GPATCH8: variants seen among roughly 807,000 people sequenced by gnomAD.
GPATCH8 encodes G patch domain-containing protein 8.
In GPATCH8, 18 loss-of-function variants were observed where a neutral mutation model predicts 118.3. The observed-to-expected ratio is 0.15, with a 90% CI of 0.11 to 0.23. The LOEUF (loss-of-function observed/expected upper bound fraction) is 0.23, where lower values mean the gene tolerates loss of function less well. Among genes scored for constraint, GPATCH8 ranks in the 10% least tolerant of loss-of-function variants. GPATCH8 has a pLI of 1.00. For missense variants in GPATCH8, 1,631 were observed against 1,873.8 expected (o/e 0.87, Z 2.39); for synonymous variants, 659 against 684.7 (o/e 0.96, Z 0.59).
chr17:44,458,723 G>C (rs1256032461), intron 3 of GPATCH8, among the ~76,000 whole-genome samples: 3 of 152,030 alleles, frequency 2.0e-5, no homozygotes, highest in Admixed American at 6.6e-5. Flanking sequence ...ACTGGGTCTT[G>C]TTGTTGCCCA....
In GPATCH8 at chr17:44,414,115, A is replaced by ATGTATATATATGTGTATATATATATG. The variant is rs1567955447; in HGVS notation, c.493-8065_493-8064insCATATATATATACACATATATATACA. Among the ~76,000 whole-genome samples the ATGTATATATATGTGTATATATATATG allele has an allele frequency of 2.0e-3, 171 of 83,436 alleles. 2 individuals carry two copies. The highest frequency in any genetic ancestry group is 9.0e-3 in the South Asian group (30 of 3,332). The allele number at this position is 83,436 out of a possible 152,430, so 54.7% of individuals were successfully genotyped here. On this transcript the variant is annotated intron_variant, in intron 6 of 7. Transcript: ENST00000591680. ...TATATATATATGTGTGTATATATAT[A>ATGTATATATATGTGTATATATATATG]TGTATATATATGTGTATATATATAT...
At chr17:44,414,129 GTATATATATATA>G (rs57203975) in intron 6 of GPATCH8, among the ~76,000 whole-genome samples, 1 of 43,002 alleles carries the variant, frequency 2.3e-5, no homozygotes, top group African/African-American at 4.3e-5. Flanking sequence ...ATATATATGT[GTATATATATATA>G]TGTGTATATA....
In GPATCH8 at chr17:44,395,456, CAA is replaced by C. The variant is rs2048746444; in HGVS notation, c.*2110_*2111del. ...GTTAAAGAAAATGCCCCTAGGAAGGCAAAGAGGCAGCCAGAGTATGGCTCAAT... is the reference window on the plus strand; with the variant it reads ...GTTAAAGAAAATGCCCCTAGGAAGGCAGAGGCAGCCAGAGTATGGCTCAAT... On this transcript the variant is annotated 3_prime_UTR_variant, in exon 8 of 8. Coordinates refer to ENST00000591680, the MANE Select transcript of GPATCH8 (RefSeq NM_001002909.4). The C allele has an allele frequency of 2.2e-6, 1 of 454,300 alleles. No individual in the cohort carries two copies. Among genetic ancestry groups the C allele is most frequent in the African/African-American group, 2.0e-5 (1 of 49,958 alleles). 28.1% of individuals were successfully genotyped at this position (454,300 alleles called of 1,614,324 possible).
chr17:44,439,135 A>G (rs777640385), intron 3 of GPATCH8, among the ~76,000 whole-genome samples: 1 of 152,192 alleles, frequency 6.6e-6, no homozygotes, highest in Non-Finnish European at 1.5e-5. Context: ...TCACCAAAAG[A>G]ACTCTAGGAG....
rs1355042863 is a variant in GPATCH8, at chr17:44,396,606, T to C, written c.*962A>G. Reference sequence around the variant, plus strand: ...TTTTCATTTTATAACCTTTAGAGTTTCTTAATTCAACTAGGGCAAACATAT... The same window carrying C: ...TTTTCATTTTATAACCTTTAGAGTTCCTTAATTCAACTAGGGCAAACATAT... On this transcript the variant is annotated 3_prime_UTR_variant, in exon 8 of 8. Transcript: ENST00000591680. The C allele has an allele frequency of 2.3e-6, 1 of 442,216 alleles. No individual in the cohort carries two copies. Among genetic ancestry groups the C allele is most frequent in the Non-Finnish European group, 4.5e-6 (1 of 223,774 alleles). 27.4% of individuals were successfully genotyped at this position (442,216 alleles called of 1,614,324 possible).
chr17:44,494,848 T>C (rs1230037836), intron 1 of GPATCH8, among the ~76,000 whole-genome samples: 1 of 152,212 alleles, frequency 6.6e-6, no homozygotes, highest in Admixed American at 6.5e-5. Context: ...TAAAATAAAA[T>C]TTATCTTTGC....
In GPATCH8 at chr17:44,399,593, C is replaced by G. The variant is rs1377956198; in HGVS notation, c.2484G>C (p.Leu828=). ...EDSDDASSHR[L]HQKSPSQYSE... The stretch of plus-strand genomic sequence containing the variant: ...TGTACTGGGATGGAGACTTCTGGTG[C>G]AGCCGGTGTGAGGAAGCATCATCAC... The change falls in exon 8 of 8, where the codon CTG becomes CTC. Residue 828 remains leucine (L), a synonymous_variant. Coordinates refer to ENST00000591680, the MANE Select transcript of GPATCH8 (RefSeq NM_001002909.4). The G allele has an allele frequency of 3.1e-6, 5 of 1,614,082 alleles. No individual in the cohort carries two copies. Among genetic ancestry groups the G allele is most frequent in the Admixed American group, 1.7e-5 (1 of 60,002 alleles).
chr17:44,492,779 G>C (rs1212449641), intron 1 of GPATCH8, among the ~76,000 whole-genome samples: 1 of 152,130 alleles, frequency 6.6e-6, no homozygotes, highest in African/African-American at 2.4e-5. Flanking sequence ...TCAAGGATAA[G>C]CTTGTAGAAC....
chr17:44,400,694 G>C lies in GPATCH8; in HGVS notation c.1383C>G (p.Val461=), dbSNP rs772237473. ...TGCTGGTTTCCTTCGGCTGCTCAGAGACTTCACTAACTGTCTTTTCTGCTC... is the reference window on the plus strand; with the variant it reads ...TGCTGGTTTCCTTCGGCTGCTCAGACACTTCACTAACTGTCTTTTCTGCTC... ...SQGAEKTVSE[V]SEQPKETSMT... Residue 461 remains valine (V), a synonymous_variant, in exon 8 of 8, where the codon GTC becomes GTG. Transcript: ENST00000591680. 9 of 1,611,052 alleles carry C rather than the reference G, an allele frequency of 5.6e-6. No homozygotes were observed. The highest frequency in any genetic ancestry group is 2.5e-6 in the Non-Finnish European group (3 of 1,178,226).
intron 3 of GPATCH8, among the ~76,000 whole-genome samples, chr17:44,453,495 G>C (rs1598532278): frequency 9.2e-6 from 1 of 108,162 alleles, no homozygotes; most frequent in African/African-American, 3.2e-5. Flanking sequence ...AGGTAGGTAG[G>C]TAGGGGTGTG....
At chr17:44,453,162 C>A (rs993237278) in intron 3 of GPATCH8, among the ~76,000 whole-genome samples, 4 of 152,162 alleles carry the variant, frequency 2.6e-5, no homozygotes, top group African/African-American at 9.7e-5. Flanking sequence ...TAAGTCTATA[C>A]CTCTGCTCTG....
chr17:44,491,647 A>C (rs960869697), intron 1 of GPATCH8, among the ~76,000 whole-genome samples: 34 of 152,138 alleles, frequency 2.2e-4, no homozygotes, highest in Admixed American at 2.2e-3. Flanking sequence ...AAGGAGTTCA[A>C]GACCTGCTTG....
intron 3 of GPATCH8, among the ~76,000 whole-genome samples, chr17:44,439,824 C>T (rs1050319274): frequency 6.7e-6 from 1 of 149,288 alleles, no homozygotes; most frequent in Non-Finnish European, 1.5e-5. Flanking sequence ...GCTCTTGTTG[C>T]CCAGGCTGGA....
intron 1 of GPATCH8, among the ~76,000 whole-genome samples, chr17:44,489,028 C>T (rs1969019199): frequency 1.3e-5 from 2 of 151,684 alleles, no homozygotes; most frequent in Admixed American, 1.3e-4. Flanking sequence ...CATTGCACTC[C>T]AGTCTGAGGG....
At chr17:44,446,227 G>A (rs567777972) in intron 3 of GPATCH8, among the ~76,000 whole-genome samples, 1 of 152,220 alleles carries the variant, frequency 6.6e-6, no homozygotes, top group African/African-American at 2.4e-5. Context: ...TGGGATTACA[G>A]GTGTGAGTCA....
At chr17:44,489,716 G>A (rs1441777408) in intron 1 of GPATCH8, among the ~76,000 whole-genome samples, 1 of 152,026 alleles carries the variant, frequency 6.6e-6, no homozygotes, top group East Asian at 1.9e-4. Flanking sequence ...AAACCCCAAG[G>A]GCACAACTAT....
chr17:44,421,897 T>C (rs1033255554), intron 6 of GPATCH8, among the ~76,000 whole-genome samples: 4 of 151,628 alleles, frequency 2.6e-5, no homozygotes, highest in Non-Finnish European at 5.9e-5. Flanking sequence ...TGGCTAATTT[T>C]TGTAGTTTTA....
At chr17:44,461,991 C>A (rs1337016103) in intron 3 of GPATCH8, among the ~76,000 whole-genome samples, 1 of 152,138 alleles carries the variant, frequency 6.6e-6, no homozygotes, top group African/African-American at 2.4e-5. Flanking sequence ...TAAGCCACAG[C>A]ACCCTGCCTA....
At position 44,395,634 on chromosome 17, in the gene GPATCH8, A is replaced by C; in HGVS notation, c.*1934T>G. 4.4e-6 allele frequency: 2 copies of C among 454,206 alleles called. No individual in the cohort carries two copies. Among genetic ancestry groups the C allele is most frequent in the South Asian group, 3.1e-5 (2 of 64,472 alleles). The allele number at this position is 454,206 out of a possible 1,614,324, so 28.1% of individuals were successfully genotyped here. On this transcript the variant is annotated 3_prime_UTR_variant, in exon 8 of 8. Transcript: ENST00000591680. ...CCAAGAAGTGATGCTTCTGAATCAG[A>C]TGAGTACTGAACAGGTAGGAGGGTG... is the stretch of plus-strand genomic sequence containing the variant.
Sources: allele counts gnomAD v4.1 joint callset (sites outside exome capture counted in the v4.1 genomes callset), GRCh38; gene constraint gnomAD v4.1.1; transcripts MANE v1.5; gene names NCBI Gene and HGNC (gene_info 2026-07-23, HGNC 2026-07-21).